Variants in PHF12 observed in about 807,000 individuals in gnomAD.
The protein encoded by PHF12 is PHD factor 1.
A neutral mutation model predicts 99.8 loss-of-function variants in PHF12; 6 were observed. The ratio of observed to expected loss-of-function variants is 0.06; its 90% CI spans 0.03 to 0.12. The LOEUF (loss-of-function observed/expected upper bound fraction) is 0.12, where lower values mean the gene tolerates loss of function less well. PHF12 is among the 10% of genes least tolerant of loss of function. The pLI is 1.00. For missense variants in PHF12, 954 were observed against 1,300.1 expected, an observed-to-expected ratio of 0.73 and a Z score of 4.09; for synonymous variants, 480 against 514.9, an observed-to-expected ratio of 0.93 and a Z score of 0.92.
chr17:28,914,662 A>G lies in PHF12; in HGVS notation c.1135-625T>C, dbSNP rs1207955684. 2.6e-4 allele frequency among the ~76,000 whole-genome samples: 29 copies of G among 112,610 alleles called. 1 individual carries two copies. The highest frequency in any genetic ancestry group is 1.0e-3 in the African/African-American group (28 of 27,070). 73.9% of individuals were successfully genotyped at this position (112,610 alleles called of 152,430 possible). A position where few individuals can be genotyped will look rare whatever the true frequency, so the allele number is the denominator to read the frequency against. ...AGTCCGGCCTGGGTGAAAGAGCGAG[A>G]CTCCGTCTCAAAAAAAAAAAAAAAA... is the stretch of plus-strand genomic sequence containing the variant. On this transcript the variant is annotated intron_variant, in intron 7 of 14. Transcript: ENST00000332830.
intron 4 of PHF12, 66 bp downstream of exon 4, chr17:28,923,843 C>T (rs983337103): frequency 6.6e-7 from 1 of 1,519,582 alleles, no homozygotes; most frequent in Non-Finnish European, 8.8e-7. Context: ...ACAGGCAGCA[C>T]TGCTCTTGTG....
chr17:28,938,969 A>C (rs2040561865), intron 2 of PHF12, among the ~76,000 whole-genome samples: 1 of 152,258 alleles, frequency 6.6e-6, no homozygotes, highest in African/African-American at 2.4e-5. Flanking sequence ...ATGTGTACAC[A>C]CAAACGGTGA....
Position 28,924,288 on chromosome 17 carries a change from T to C in PHF12, c.336A>G (p.Lys112=). The part of the protein sequence containing the change: ...CTVRRKKREQ[K]KELGHVNGLV... Reference sequence around the variant, plus strand: ...GTCCATTGACATGACCCAGCTCCTTTTTCTGCTCTCGTTTCTGTGCAAATG... The same window carrying C: ...GTCCATTGACATGACCCAGCTCCTTCTTCTGCTCTCGTTTCTGTGCAAATG... The change falls in exon 4 of 15, where the codon AAA becomes AAG. Residue 112 remains lysine (K), a synonymous_variant. Transcript: ENST00000332830. The C allele has an allele frequency of 1.2e-6, 2 of 1,614,214 alleles. No individual in the cohort carries two copies. Among genetic ancestry groups the C allele is most frequent in the Non-Finnish European group, 8.5e-7 (1 of 1,180,040 alleles).
At chr17:28,943,051 A>T (rs1008708544) in intron 2 of PHF12, among the ~76,000 whole-genome samples, 2 of 152,172 alleles carry the variant, frequency 1.3e-5, no homozygotes, top group African/African-American at 4.8e-5. Flanking sequence ...CAATAACCAC[A>T]TGAAAAAAAG....
At position 28,919,197 on chromosome 17, in the gene PHF12, G is replaced by C; in HGVS notation, c.915C>G (p.Leu305=). The change falls in exon 6 of 15, where the codon CTC becomes CTG. Residue 305 remains leucine, a synonymous_variant. Coordinates refer to ENST00000332830, the MANE Select transcript of PHF12 (RefSeq NM_001033561.2). ...LFHMDCLEPP[L]TAMPLGRWMC... is the part of the protein sequence containing the mutation. Reference sequence around the variant, plus strand: ...TCCATCTGCCCAGGGGCATGGCAGTGAGCGGCGGCTCGAGGCAATCCATGT... The same window carrying C: ...TCCATCTGCCCAGGGGCATGGCAGTCAGCGGCGGCTCGAGGCAATCCATGT... 2 of 1,614,238 alleles carry C rather than the reference G, an allele frequency of 1.2e-6. No homozygotes were observed. The highest frequency in any genetic ancestry group is 1.7e-6 in the Non-Finnish European group (2 of 1,180,026).
chr17:28,942,964 CAATT>C (rs1333025121), intron 2 of PHF12, among the ~76,000 whole-genome samples: 1 of 151,970 alleles, frequency 6.6e-6, no homozygotes, highest in East Asian at 1.9e-4. Flanking sequence ...TCTCATAACT[CAATT>C]AAAAAACCAA....
At chr17:28,927,177 G>GGCCA in intron 2 of PHF12, 114 bp from the exon 3 acceptor site, 1 of 907,590 alleles carries the variant, frequency 1.1e-6, no homozygotes, top group Non-Finnish European at 1.7e-6. Flanking sequence ...CTGCAGGACT[G>GGCCA]CTAGGGTTGT....
In PHF12 at chr17:28,912,742, G is replaced by A; in HGVS notation, c.1829C>T (p.Pro610Leu). 3 of 1,614,214 alleles carry A rather than the reference G, an allele frequency of 1.9e-6. No homozygotes were observed. Among genetic ancestry groups the A allele is most frequent in the Non-Finnish European group, 2.5e-6 (3 of 1,180,028 alleles). The change falls in exon 9 of 15, where the codon CCC becomes CTC. Residue 610 changes from proline (P) to leucine (L), a missense_variant. Physicochemically the swap from Pro to Leu is moderately conservative, Grantham distance 98. Coordinates refer to ENST00000332830, the MANE Select transcript of PHF12 (RefSeq NM_001033561.2). ...IIVKTENATG[P>L]SSCPQRSLVP... ...CAAACTCCTCTGGGGGCAAGAGCTG[G>A]GGCCAGTGGCATTCTCTGTCTTCAC...
rs1375909168 is a variant in PHF12 at position 28,951,389 on chromosome 17, G to A, written c.-429C>T. On this transcript the variant is annotated 5_prime_UTR_variant, in exon 1 of 15. Transcript: ENST00000332830. ...TGAGGTGACTGGGGGGAGGGTGATG[G>A]GGGGTGGTCCCCGGGCTCCGCCTCT... 15 of 985,436 alleles carry A rather than the reference G, an allele frequency of 1.5e-5. No homozygotes were observed. The highest frequency in any genetic ancestry group is 1.8e-5 in the Non-Finnish European group (15 of 828,998). 61.0% of individuals were successfully genotyped at this position (985,436 alleles called of 1,614,324 possible). A position where few individuals can be genotyped will look rare whatever the true frequency, so the allele number is the denominator to read the frequency against.
At position 28,912,344 on chromosome 17, in the gene PHF12, G is replaced by A. The variant is rs926257689; in HGVS notation, c.2089+138C>T. 8.5e-6 allele frequency: 12 copies of A among 1,409,448 alleles called. No homozygotes were observed. In the African/African-American group the frequency reaches 8.7e-5, roughly 10 times the overall value. 87.3% of individuals were successfully genotyped at this position (1,409,448 alleles called of 1,614,324 possible). A position where few individuals can be genotyped will look rare whatever the true frequency, so the allele number is the denominator to read the frequency against. ...TAACATGTGCTTCCTCTTCTATTACGGAAATGAGAGTAAGACAAACAATAC... is the reference window on the plus strand; with the variant it reads ...TAACATGTGCTTCCTCTTCTATTACAGAAATGAGAGTAAGACAAACAATAC... On this transcript the variant is annotated intron_variant, in intron 9 of 14. Coordinates refer to ENST00000332830, the MANE Select transcript of PHF12 (RefSeq NM_001033561.2).
intron 2 of PHF12, among the ~76,000 whole-genome samples, chr17:28,940,887 C>CCGTGCT (rs2040600311): frequency 1.3e-5 from 2 of 152,116 alleles, no homozygotes; most frequent in African/African-American, 2.4e-5. Context: ...AGGGGTACAG[C>CCGTGCT]CGTGCTCCTG....
rs1397456031 is a variant in PHF12 at position 28,924,197 on chromosome 17, C to T, written c.427G>A (p.Ala143Thr). Residue 143 changes from alanine (A) to threonine (T), a missense_variant, in exon 4 of 15, where the codon GCC (alanine) becomes ACC (threonine). Ala to Thr is a moderately conservative substitution (Grantham distance 58, BLOSUM62 0). Coordinates refer to ENST00000332830, the MANE Select transcript of PHF12 (RefSeq NM_001033561.2). ...SSDTDLLDRSASKTELKAIAH... is the reference protein window; with the variant it reads ...SSDTDLLDRSTSKTELKAIAH... ...ATGGCCTTTAGTTCAGTTTTGCTGG[C>T]CGATCTGTCCAACAAGTCAGTGTCA... 6.2e-7 allele frequency: 1 copy of T among 1,614,070 alleles called. No individual in the cohort carries two copies. The highest frequency in any genetic ancestry group is 1.3e-5 in the African/African-American group (1 of 74,902).
At position 28,950,050 on chromosome 17, in the gene PHF12, G is replaced by A. The variant is rs1159394670; in HGVS notation, c.248+15C>T. 3.1e-6 allele frequency: 5 copies of A among 1,587,526 alleles called. No homozygotes were observed. In the South Asian group the frequency reaches 5.6e-5, roughly 18 times the overall value. On this transcript the variant is annotated intron_variant, in intron 2 of 14. Coordinates refer to ENST00000332830, the MANE Select transcript of PHF12 (RefSeq NM_001033561.2). This position sits in a 1 kb window ranked among gnomAD's most constrained non-coding sequence, Gnocchi z 5.7. ...GGGTCCGCCAAGAAGCTCCAAAAGGGTCCCCAGACCTTACCAGCACTGGAG... is the reference window on the plus strand; with the variant it reads ...GGGTCCGCCAAGAAGCTCCAAAAGGATCCCCAGACCTTACCAGCACTGGAG...
intron 5 of PHF12, 106 bp from the exon 6 acceptor site, chr17:28,919,381 CCTTGATCCTAACATTCTCCCCTA>C: frequency 2.4e-5 from 1 of 41,594 alleles, no homozygotes; most frequent in Non-Finnish European, 4.9e-5. Context: ...ATTCTCCCCT[CCTTGATCCTAACATTCTCCCCTA>C]TCTTCCTCCA....
chr17:28,926,835 C>T (rs2040283513), intron 3 of PHF12, 156 bp downstream of exon 3: 1 of 1,539,812 alleles, frequency 6.5e-7, no homozygotes, highest in African/African-American at 1.4e-5. Context: ...CTACTGGATT[C>T]CAAACAGTCA....
At chr17:28,914,481 G>A (rs566346476) in intron 7 of PHF12, among the ~76,000 whole-genome samples, 1 of 151,982 alleles carries the variant, frequency 6.6e-6, no homozygotes, top group Non-Finnish European at 1.5e-5. Flanking sequence ...GACCATCCTG[G>A]CTAACATGGT....
chr17:28,949,830 TCTCTTCACTCGTCCCAACCCCCAC>T lies in PHF12; in HGVS notation c.248+211_248+234del. ...AGCGACTTCCAATCCCATATGGGGTTCTCTTCACTCGTCCCAACCCCCACCTCGGGGTCCGGACCCACCGCTGCT... is the reference window on the plus strand; with the variant it reads ...AGCGACTTCCAATCCCATATGGGGTTCTCGGGGTCCGGACCCACCGCTGCT... On this transcript the variant is annotated intron_variant, in intron 2 of 14. Coordinates refer to ENST00000332830, the MANE Select transcript of PHF12 (RefSeq NM_001033561.2). The surrounding 1 kb of genome is among the most constrained non-coding windows in gnomAD (Gnocchi z 4.6). 4 of 502,810 alleles carry T rather than the reference TCTCTTCACTCGTCCCAACCCCCAC, an allele frequency of 8.0e-6. No homozygotes were observed. Among genetic ancestry groups the T allele is most frequent in the Non-Finnish European group, 1.4e-5 (4 of 283,600 alleles). The allele number at this position is 502,810 out of a possible 1,614,324, so 31.1% of individuals were successfully genotyped here. A position where few individuals can be genotyped will look rare whatever the true frequency, so the allele number is the denominator to read the frequency against.
rs556454118 is a variant in PHF12 at position 28,951,356 on chromosome 17, G to A, written c.-396C>T. The A allele has an allele frequency of 9.9e-7, 1 of 1,010,058 alleles. No homozygotes were observed. 62.6% of individuals were successfully genotyped at this position (1,010,058 alleles called of 1,614,324 possible). A position where few individuals can be genotyped will look rare whatever the true frequency, so the allele number is the denominator to read the frequency against. On this transcript the variant is annotated 5_prime_UTR_variant, in exon 1 of 15. Transcript: ENST00000332830. The stretch of plus-strand genomic sequence containing the variant: ...GGGGGGTGAGAGGTTACGTGAGGTT[G>A]TGGTACGTGAGGTGACTGGGGGGAG...
chr17:28,905,470 C>T lies in PHF12; in HGVS notation c.*713G>A, dbSNP rs770226078. 3.3e-5 allele frequency: 5 copies of T among 152,464 alleles called. No individual in the cohort carries two copies. Among genetic ancestry groups the T allele is most frequent in the East Asian group, 1.9e-4 (1 of 5,204 alleles). The allele number at this position is 152,464 out of a possible 1,614,324, so 9.4% of individuals were successfully genotyped here. ...TGCTACAATAGACAATTTGAGAAAACGCTCTACCACATGTAGTACTGTACA... is the reference window on the plus strand; with the variant it reads ...TGCTACAATAGACAATTTGAGAAAATGCTCTACCACATGTAGTACTGTACA... On this transcript the variant is annotated 3_prime_UTR_variant, in exon 15 of 15. Transcript: ENST00000332830.
Sources: allele counts gnomAD v4.1 joint callset (sites outside exome capture counted in the v4.1 genomes callset), GRCh38; gene constraint gnomAD v4.1.1; non-coding constraint Gnocchi (gnomAD v3.1); transcripts MANE v1.5; gene names NCBI Gene and HGNC (gene_info 2026-07-23, HGNC 2026-07-21).